CPNE4: variants seen among roughly 807,000 people sequenced by gnomAD.
CPNE4 encodes copine-4.
CPNE4 carries 25 observed loss-of-function variants against 67.9 expected under a neutral mutation model. The ratio of observed to expected loss-of-function variants is 0.37; its 90% CI spans 0.27 to 0.51. The LOEUF (loss-of-function observed/expected upper bound fraction) is 0.51, where lower values mean the gene tolerates loss of function less well. CPNE4 is among the 20% of genes least tolerant of loss of function. The pLI is 0.93. For synonymous variants in CPNE4, 242 were observed against 244.9 expected (o/e 0.99, Z 0.11); for missense variants, 464 against 690.8 (o/e 0.67, Z 3.68).
intron 1 of CPNE4, among the ~76,000 whole-genome samples, chr3:131,970,752 T>C (rs1381083): frequency 0.12 from 17,525 of 152,062 alleles, 3,273 homozygotes; most frequent in African/African-American, 0.39. Flanking sequence ...ATCATAGAAA[T>C]GGAAGGTTAA....
intron 7 of CPNE4, among the ~76,000 whole-genome samples, chr3:131,636,535 C>G (rs1174797874): frequency 6.6e-6 from 1 of 152,164 alleles, no homozygotes; most frequent in Non-Finnish European, 1.5e-5. Flanking sequence ...TCCCTGCCCC[C>G]ACCTAGTGGT....
intron 1 of CPNE4, among the ~76,000 whole-genome samples, chr3:132,007,165 A>C (rs1249931549): frequency 2.0e-5 from 3 of 152,170 alleles, no homozygotes; most frequent in Non-Finnish European, 4.4e-5. Flanking sequence ...ATGTTGTTCT[A>C]GTAACAGAAA....
chr3:131,892,718 G>T (rs1187375832), intron 2 of CPNE4, among the ~76,000 whole-genome samples: 1 of 151,998 alleles, frequency 6.6e-6, no homozygotes. Context: ...AAAGTCTAGA[G>T]TATCTTTAGG....
chr3:132,009,216 G>GA (rs11405450), intron 1 of CPNE4, among the ~76,000 whole-genome samples: 5,919 of 152,148 alleles, frequency 0.039, 388 homozygotes, highest in African/African-American at 0.13. Flanking sequence ...TTTATTAAAG[G>GA]AAAAAAATGC....
At chr3:131,538,077 T>C (rs1400896782) in intron 15 of CPNE4, among the ~76,000 whole-genome samples, 1 of 152,230 alleles carries the variant, frequency 6.6e-6, no homozygotes, top group Admixed American at 6.5e-5. Flanking sequence ...GGGCATAATG[T>C]TACCCTTGGT....
chr3:131,766,505 C>T (rs188763165), intron 2 of CPNE4, among the ~76,000 whole-genome samples: 1 of 152,146 alleles, frequency 6.6e-6, no homozygotes, highest in Admixed American at 6.6e-5. Flanking sequence ...GTATCATAGC[C>T]AATTTCCGGC....
upstream of CPNE4, among the ~76,000 whole-genome samples, chr3:132,038,128 T>G (rs2074367728): frequency 6.6e-6 from 1 of 152,090 alleles, no homozygotes; most frequent in African/African-American, 2.4e-5. Flanking sequence ...GCTCAAAAAT[T>G]TGTTCTTTTT....
At chr3:131,684,292 T>C (rs72983680) in intron 6 of CPNE4, among the ~76,000 whole-genome samples, 5,428 of 152,230 alleles carry the variant, frequency 0.036, 312 homozygotes, top group African/African-American at 0.12. Context: ...ATAAGGAAAC[T>C]TAACGGGTGA....
chr3:131,871,887 C>T (rs558526368), intron 2 of CPNE4, among the ~76,000 whole-genome samples: 51 of 152,266 alleles, frequency 3.3e-4, no homozygotes, highest in Admixed American at 9.1e-4. Flanking sequence ...GGAACACTAT[C>T]GCCTCTATGA....
At chr3:132,001,609 A>AAGAT (rs72496407) in intron 1 of CPNE4, among the ~76,000 whole-genome samples, 1 of 147,524 alleles carries the variant, frequency 6.8e-6, no homozygotes, top group Non-Finnish European at 1.5e-5. Context: ...GAAAGAAAGA[A>AAGAT]AGAAAGAAAA....
intron 7 of CPNE4, among the ~76,000 whole-genome samples, chr3:131,664,292 C>G (rs2080204881): frequency 6.6e-6 from 1 of 152,162 alleles, no homozygotes; most frequent in Admixed American, 6.6e-5. Context: ...CTGGAAGAAT[C>G]TATTCTGAAC....
At chr3:131,844,614 C>G (rs1179485758) in intron 2 of CPNE4, among the ~76,000 whole-genome samples, 7 of 152,136 alleles carry the variant, frequency 4.6e-5, no homozygotes, top group Non-Finnish European at 1.0e-4. Flanking sequence ...AGTGTGTTCA[C>G]CAGACTGTGA....
intron 2 of CPNE4, among the ~76,000 whole-genome samples, chr3:131,733,338 C>T (rs1364880590): frequency 6.6e-6 from 1 of 152,206 alleles, no homozygotes; most frequent in Non-Finnish European, 1.5e-5. Context: ...GAGTGTCCAG[C>T]ACAGTGTTTA....
intron 2 of CPNE4, among the ~76,000 whole-genome samples, chr3:131,801,530 C>T: frequency 7.3e-6 from 1 of 137,534 alleles, no homozygotes; most frequent in Admixed American, 7.6e-5. Context: ...AAAAAAGTTG[C>T]CTTGTGACCT....
At chr3:131,778,160 T>C (rs1017625175) in intron 2 of CPNE4, among the ~76,000 whole-genome samples, 1 of 152,150 alleles carries the variant, frequency 6.6e-6, no homozygotes, top group African/African-American at 2.4e-5. Context: ...GACAGGTTTC[T>C]TTTTGTCCAT....
intron 2 of CPNE4, among the ~76,000 whole-genome samples, chr3:131,744,502 C>T (rs1461922702): frequency 6.6e-6 from 1 of 152,134 alleles, no homozygotes; most frequent in Non-Finnish European, 1.5e-5. Context: ...TAATATCATA[C>T]CAAGATAGTG....
At chr3:131,565,938 G>A (rs772854560) in intron 10 of CPNE4, among the ~76,000 whole-genome samples, 1 of 151,886 alleles carries the variant, frequency 6.6e-6, no homozygotes, top group Non-Finnish European at 1.5e-5. Context: ...CAGGCACTGT[G>A]CTAACTGTGT....
At chr3:131,827,960 G>C (rs2085227939) in intron 2 of CPNE4, among the ~76,000 whole-genome samples, 1 of 151,950 alleles carries the variant, frequency 6.6e-6, no homozygotes, top group South Asian at 2.1e-4. Context: ...GCATATCTGA[G>C]CTCTTCACGA....
chr3:131,590,670 TA>T (rs778717628), intron 7 of CPNE4, among the ~76,000 whole-genome samples: 13 of 152,196 alleles, frequency 8.5e-5, no homozygotes, highest in Non-Finnish European at 1.5e-4. Flanking sequence ...ATCTGTTTGT[TA>T]AAAAGTGTTT....
Sources: gnomAD v4.1 joint callset for allele counts (sites outside exome capture counted in the v4.1 genomes callset) on GRCh38, gnomAD v4.1.1 for gene constraint, MANE v1.5 for transcripts, NCBI Gene and HGNC (gene_info 2026-07-23, HGNC 2026-07-21) for gene names.